Variants in PTPRD observed in about 807,000 individuals in gnomAD.
The protein encoded by PTPRD is receptor-type tyrosine-protein phosphatase delta.
A neutral mutation model predicts 214.5 loss-of-function variants in PTPRD; 34 were observed. The ratio of observed to expected loss-of-function variants is 0.16; its 90% CI spans 0.12 to 0.21. The LOEUF (loss-of-function observed/expected upper bound fraction) is 0.21. Among genes scored for constraint, PTPRD ranks in the 10% least tolerant of loss-of-function variants. The pLI, the probability that PTPRD is intolerant of heterozygous loss-of-function variation, is 1.00. For missense variants in PTPRD, 2,545 were observed against 2,398.7 expected (o/e 1.06, Z -1.27); for synonymous variants, 1,128 against 845.7 (o/e 1.33, Z -5.79).
intron 9 of PTPRD, among the ~76,000 whole-genome samples, chr9:9,287,556 A>G (rs1156290979): frequency 1.3e-5 from 2 of 151,930 alleles, no homozygotes; most frequent in Non-Finnish European, 2.9e-5. Flanking sequence ...TTTATAAATC[A>G]TGGCCTTGAG....
chr9:10,101,465 C>T (rs897352569), intron 3 of PTPRD, among the ~76,000 whole-genome samples: 1 of 151,520 alleles, frequency 6.6e-6, no homozygotes, highest in Non-Finnish European at 1.5e-5. Context: ...TGCTAGATAC[C>T]TTTGAACAGG....
intron 30 of PTPRD, among the ~76,000 whole-genome samples, chr9:8,473,659 A>G (rs1591445259): frequency 6.6e-6 from 1 of 152,022 alleles, no homozygotes; most frequent in Non-Finnish European, 1.5e-5. Flanking sequence ...TTCTGCTTTC[A>G]TACTTTGAGT....
chr9:9,158,024 C>T (rs2099882794), intron 10 of PTPRD, among the ~76,000 whole-genome samples: 2 of 152,140 alleles, frequency 1.3e-5, no homozygotes, highest in Admixed American at 1.3e-4. Flanking sequence ...CAAGTCCATC[C>T]ATGTCCCTGC....
intron 4 of PTPRD, among the ~76,000 whole-genome samples, chr9:9,970,357 G>A (rs2095009605): frequency 6.7e-6 from 1 of 150,332 alleles, no homozygotes; most frequent in African/African-American, 2.5e-5. Flanking sequence ...GGCTGAGGCA[G>A]GAGAATGGCG....
At chr9:8,489,764 A>G (rs554474611) in intron 27 of PTPRD, among the ~76,000 whole-genome samples, 1 of 152,342 alleles carries the variant, frequency 6.6e-6, no homozygotes, top group East Asian at 1.9e-4. Context: ...CATTGAATAC[A>G]TAGTTAAAAA....
chr9:9,460,501 C>G (rs1000747634), intron 8 of PTPRD, among the ~76,000 whole-genome samples: 8 of 151,850 alleles, frequency 5.3e-5, no homozygotes, highest in Non-Finnish European at 1.0e-4. Flanking sequence ...AAAAACAAAT[C>G]CATTAAAAAG....
At chr9:9,394,514 A>G (rs996656025) in intron 9 of PTPRD, among the ~76,000 whole-genome samples, 1 of 152,180 alleles carries the variant, frequency 6.6e-6, no homozygotes, top group African/African-American at 2.4e-5. Flanking sequence ...CCAGTTACGT[A>G]AATTTTAGCA....
At chr9:9,797,530 G>C (rs1332357372) in intron 5 of PTPRD, among the ~76,000 whole-genome samples, 1 of 152,068 alleles carries the variant, frequency 6.6e-6, no homozygotes, top group Admixed American at 6.6e-5. Context: ...AAACTGATGA[G>C]GCTATACTTG....
chr9:9,085,488 G>A (rs138511270), intron 10 of PTPRD, among the ~76,000 whole-genome samples: 82 of 152,098 alleles, frequency 5.4e-4, no homozygotes, highest in African/African-American at 1.9e-3. Flanking sequence ...AAATAACAGC[G>A]CCTTATTATT....
At chr9:9,084,533 C>A (rs2099764175) in intron 10 of PTPRD, among the ~76,000 whole-genome samples, 1 of 152,050 alleles carries the variant, frequency 6.6e-6, no homozygotes, top group Admixed American at 6.6e-5. Flanking sequence ...GCACATGTAT[C>A]CCAGAATTAA....
At chr9:10,176,953 T>C (rs2099252172) in intron 3 of PTPRD, among the ~76,000 whole-genome samples, 1 of 152,012 alleles carries the variant, frequency 6.6e-6, no homozygotes, top group South Asian at 2.1e-4. Context: ...TATTGCATGG[T>C]AGCTCTCTTA....
At chr9:10,057,195 A>G (rs566006630) in intron 3 of PTPRD, among the ~76,000 whole-genome samples, 3 of 152,258 alleles carry the variant, frequency 2.0e-5, no homozygotes, top group Admixed American at 1.3e-4. Context: ...AGGCTGTACA[A>G]TATTTATAAA....
intron 3 of PTPRD, among the ~76,000 whole-genome samples, chr9:10,048,292 A>G (rs1443578513): frequency 3.9e-5 from 6 of 151,916 alleles, no homozygotes; most frequent in Admixed American, 6.6e-5. Flanking sequence ...TCTCTGTTTC[A>G]GTTCTGGTCA....
At chr9:9,531,178 A>C (rs1048862314) in intron 8 of PTPRD, among the ~76,000 whole-genome samples, 3 of 152,150 alleles carry the variant, frequency 2.0e-5, no homozygotes, top group African/African-American at 7.2e-5. Flanking sequence ...TTACATATCA[A>C]TTTTAACTAA....
At chr9:8,756,063 A>G (rs1006877125) in intron 11 of PTPRD, among the ~76,000 whole-genome samples, 1 of 152,210 alleles carries the variant, frequency 6.6e-6, no homozygotes, top group Non-Finnish European at 1.5e-5. Context: ...AGATAATGAA[A>G]CTTGAAGAAA....
At chr9:8,972,353 G>A (rs1044935954) in intron 11 of PTPRD, among the ~76,000 whole-genome samples, 1 of 151,860 alleles carries the variant, frequency 6.6e-6, no homozygotes, top group Non-Finnish European at 1.5e-5. Context: ...CAAAGAAGAC[G>A]TTAACACATC....
intron 11 of PTPRD, among the ~76,000 whole-genome samples, chr9:8,855,321 C>T (rs2097896062): frequency 6.6e-6 from 1 of 151,992 alleles, no homozygotes; most frequent in Non-Finnish European, 1.5e-5. Flanking sequence ...AAAGGCAAAT[C>T]AAATCACTGT....
chr9:9,187,144 AT>A (rs2131649009), intron 9 of PTPRD, among the ~76,000 whole-genome samples: 1 of 151,964 alleles, frequency 6.6e-6, no homozygotes, highest in African/African-American at 2.4e-5. Context: ...TGTTAACCCT[AT>A]TCTAAATCAT....
At chr9:10,144,823 A>G (rs2099011268) in intron 3 of PTPRD, among the ~76,000 whole-genome samples, 1 of 152,118 alleles carries the variant, frequency 6.6e-6, no homozygotes. Context: ...TCATTTCAGA[A>G]TGAAATTTGG....
Sources: allele counts gnomAD v4.1 joint callset (sites outside exome capture counted in the v4.1 genomes callset), GRCh38; gene constraint gnomAD v4.1.1; transcripts MANE v1.5; gene names NCBI Gene and HGNC (gene_info 2026-07-23, HGNC 2026-07-21).